The following TLL1 variants were observed in gnomAD, a reference collection of about 807,000 sequenced individuals.
The protein encoded by TLL1 is tolloid like 1, also known as tolloid-like protein 1.
Under a neutral mutation model 128.2 loss-of-function variants are expected in TLL1, and 49 were observed. That is an observed-to-expected ratio of 0.38 (90% CI 0.30 to 0.48). The LOEUF is 0.48. Ranked by LOEUF, TLL1 falls within the 20% of genes least tolerant of loss-of-function variation. The probability of loss-of-function intolerance (pLI) is 0.96; values close to 1 mark genes in which losing one functional copy is unlikely to be tolerated. For missense variants in TLL1, 1,123 were observed against 1,242.0 expected (o/e 0.90, Z 1.44); for synonymous variants, 454 against 418.8 (o/e 1.08, Z -1.03).
At chr4:166,079,609 G>T (rs1394396017) in intron 18 of TLL1, among the ~76,000 whole-genome samples, 3 of 151,956 alleles carry the variant, frequency 2.0e-5, no homozygotes, top group African/African-American at 7.2e-5. Context: ...GTATGTGTTT[G>T]TGTGTGTGTA....
chr4:165,973,434 G>A lies in TLL1; in HGVS notation c.170-15947G>A, dbSNP rs56049827. Among the ~76,000 whole-genome samples, 6 of 152,082 alleles carry A rather than the reference G, an allele frequency of 3.9e-5. No individual in the cohort carries two copies. In the East Asian group the frequency reaches 9.7e-4, roughly 25 times the overall value. ...TCTACCTTTGGAATCGAGTCCTTGA[G>A]TATTCTCTGGGCTACAAGTAGGCAA... On this transcript the variant is annotated intron_variant, in intron 1 of 20. Transcript: ENST00000061240.
At chr4:166,100,538 G>A (rs531193955) in intron 20 of TLL1, among the ~76,000 whole-genome samples, 24 of 152,150 alleles carry the variant, frequency 1.6e-4, no homozygotes, top group Admixed American at 6.5e-4. Context: ...GACTAGTCGC[G>A]TGAGCTCTAG....
intron 7 of TLL1, among the ~76,000 whole-genome samples, chr4:166,009,358 G>A (rs1350173413): frequency 6.6e-6 from 1 of 151,406 alleles, no homozygotes; most frequent in Non-Finnish European, 1.5e-5. Context: ...GAACAGAGAA[G>A]GTACTGGAGA....
chr4:165,912,113 G>T (rs1245298065), intron 1 of TLL1, among the ~76,000 whole-genome samples: 1 of 152,140 alleles, frequency 6.6e-6, no homozygotes, highest in Non-Finnish European at 1.5e-5. Flanking sequence ...CTGACCTCAT[G>T]ATCTGTCTGC....
chr4:166,010,104 C>A (rs75985705), intron 7 of TLL1, among the ~76,000 whole-genome samples: 1 of 151,204 alleles, frequency 6.6e-6, no homozygotes, highest in South Asian at 2.1e-4. Context: ...TTATTTCACT[C>A]AGCATTATTT....
intron 19 of TLL1, among the ~76,000 whole-genome samples, chr4:166,096,309 A>ATAGTGTGTCACGGTTAGAAATTAATT (rs1459129257): frequency 6.6e-6 from 1 of 151,764 alleles, no homozygotes; most frequent in African/African-American, 2.4e-5. Flanking sequence ...GAGGGTGTGC[A>ATAGTGTGTCACGGTTAGAAATTAATT]CTGCAACAGA....
intron 1 of TLL1, among the ~76,000 whole-genome samples, chr4:165,959,663 A>T (rs1734997138): frequency 6.6e-6 from 1 of 152,184 alleles, no homozygotes; most frequent in Admixed American, 6.6e-5. Context: ...ACAGTGCAAT[A>T]AAAATAGAAA....
At chr4:165,877,686 C>T (rs1039876760) in intron 1 of TLL1, among the ~76,000 whole-genome samples, 1 of 152,122 alleles carries the variant, frequency 6.6e-6, no homozygotes, top group Non-Finnish European at 1.5e-5. Context: ...TGCGTATTAA[C>T]ACATACCCTT....
chr4:165,912,545 C>G (rs147770688), intron 1 of TLL1, among the ~76,000 whole-genome samples: 190 of 152,306 alleles, frequency 1.2e-3, no homozygotes, highest in African/African-American at 4.1e-3. Context: ...AGTGCAAAAC[C>G]AGTTGCTTGG....
chr4:165,895,357 G>A (rs1731621305), intron 1 of TLL1, among the ~76,000 whole-genome samples: 1 of 152,010 alleles, frequency 6.6e-6, no homozygotes, highest in Non-Finnish European at 1.5e-5. Context: ...TATATAATGA[G>A]TGATCAATCA....
chr4:165,895,951 T>C (rs920345284), intron 1 of TLL1, among the ~76,000 whole-genome samples: 3 of 152,180 alleles, frequency 2.0e-5, no homozygotes, highest in African/African-American at 7.2e-5. Flanking sequence ...ATTATTATTA[T>C]ATTTTAAGTT....
intron 8 of TLL1, among the ~76,000 whole-genome samples, chr4:166,017,360 C>T (rs1283417873): frequency 6.6e-6 from 1 of 152,068 alleles, no homozygotes; most frequent in Non-Finnish European, 1.5e-5. Flanking sequence ...CAGGTTGATT[C>T]CATGGCCTTG....
At chr4:166,093,122 C>A (rs1741852146) in intron 19 of TLL1, among the ~76,000 whole-genome samples, 1 of 152,064 alleles carries the variant, frequency 6.6e-6, no homozygotes, top group Admixed American at 6.6e-5. Context: ...GGACGAGAGA[C>A]TGAGAAAAGA....
chr4:165,923,521 C>T (rs1022122707), intron 1 of TLL1, among the ~76,000 whole-genome samples: 18 of 147,410 alleles, frequency 1.2e-4, no homozygotes, highest in Non-Finnish European at 1.6e-4. Flanking sequence ...CTCCGCCTCC[C>T]GGGTTCACGC....
At chr4:165,878,226 C>A (rs1380118465) in intron 1 of TLL1, among the ~76,000 whole-genome samples, 1 of 152,100 alleles carries the variant, frequency 6.6e-6, no homozygotes, top group African/African-American at 2.4e-5. Flanking sequence ...TTTATTCCAT[C>A]ATAATTTTAG....
chr4:166,067,607 T>G (rs777826823), intron 16 of TLL1, among the ~76,000 whole-genome samples: 34 of 151,772 alleles, frequency 2.2e-4, no homozygotes, highest in Non-Finnish European at 3.8e-4. Flanking sequence ...TGTTCACTGA[T>G]GCATACTTAG....
intron 1 of TLL1, among the ~76,000 whole-genome samples, chr4:165,958,721 TC>T (rs1734940170): frequency 6.9e-6 from 1 of 144,658 alleles, no homozygotes; most frequent in Non-Finnish European, 1.5e-5. Flanking sequence ...TTTAATTAGA[TC>T]CCATTTGTCA....
At chr4:165,994,998 T>C in intron 4 of TLL1, 63 bp from the exon 5 acceptor site, 1 of 1,326,606 alleles carries the variant, frequency 7.5e-7, no homozygotes, top group Non-Finnish European at 1.1e-6. Context: ...GGGTAGAGGA[T>C]GCAGCAAGAA....
chr4:166,014,320 C>G, intron 7 of TLL1, 116 bp from the exon 8 acceptor site: 1 of 1,475,352 alleles, frequency 6.8e-7, no homozygotes, highest in Non-Finnish European at 9.4e-7. Flanking sequence ...TTAAAGCACA[C>G]AAGGTGTAGT....
Sources: gnomAD v4.1 joint callset for allele counts (sites outside exome capture counted in the v4.1 genomes callset) on GRCh38, gnomAD v4.1.1 for gene constraint, MANE v1.5 for transcripts, NCBI Gene and HGNC (gene_info 2026-07-23, HGNC 2026-07-21) for gene names.